The following ARHGAP26 variants were observed in gnomAD, a reference collection of about 807,000 sequenced individuals.
The protein encoded by ARHGAP26 is Rho GTPase activating protein 26.
ARHGAP26 carries 38 observed loss-of-function variants against 104.8 expected under a neutral mutation model. That is an observed-to-expected ratio of 0.36 (90% CI 0.28 to 0.48). The LOEUF is 0.48. Among genes scored for constraint, ARHGAP26 ranks in the 20% least tolerant of loss-of-function variants. The pLI is 0.99. For synonymous variants in ARHGAP26, 341 were observed against 340.0 expected, an observed-to-expected ratio of 1.00 and a Z score of -0.03; for missense variants, 704 against 947.9, an observed-to-expected ratio of 0.74 and a Z score of 3.38.
Position 143,092,833 on chromosome 5 carries a change from A to G in ARHGAP26, c.1539-28155A>G, listed in dbSNP as rs150042087. 2.8e-3 allele frequency among the ~76,000 whole-genome samples: 421 copies of G among 152,318 alleles called. 4 individuals carry two copies. Among genetic ancestry groups the G allele is most frequent in the African/African-American group, 9.9e-3 (411 of 41,576 alleles). On this transcript the variant is annotated intron_variant, in intron 17 of 22. Coordinates refer to ENST00000645722, the MANE Select transcript of ARHGAP26 (RefSeq NM_001135608.3). ...CACTTTAAGGCTTGACTGAGTGCAA[A>G]CAGCTCCCACGTCTGAGCAGACCAA...
At chr5:143,017,422 A>G (rs1477642110) in intron 12 of ARHGAP26, among the ~76,000 whole-genome samples, 2 of 152,144 alleles carry the variant, frequency 1.3e-5, no homozygotes, top group African/African-American at 2.4e-5. Flanking sequence ...CCTCTTCTCT[A>G]TGCTCTGTTT....
intron 10 of ARHGAP26, among the ~76,000 whole-genome samples, chr5:142,922,347 A>G (rs1037670858): frequency 3.3e-5 from 5 of 152,144 alleles, no homozygotes; most frequent in Admixed American, 6.5e-5. Context: ...AGTTTTGTGT[A>G]TGTATTAGTA....
intron 1 of ARHGAP26, among the ~76,000 whole-genome samples, chr5:142,838,467 T>C (rs1018089769): frequency 6.6e-6 from 1 of 152,208 alleles, no homozygotes; most frequent in African/African-American, 2.4e-5. Context: ...CTAATGCAGG[T>C]ATGAGGTCAG....
At chr5:142,795,048 CT>C (rs201790498) in intron 1 of ARHGAP26, among the ~76,000 whole-genome samples, 2 of 142,612 alleles carry the variant, frequency 1.4e-5, no homozygotes, top group Non-Finnish European at 3.0e-5. Flanking sequence ...TCTTCTTCTT[CT>C]TTTTTTTTAA....
At chr5:143,108,488 C>T (rs987820348) in intron 17 of ARHGAP26, among the ~76,000 whole-genome samples, 4 of 152,204 alleles carry the variant, frequency 2.6e-5, no homozygotes, top group East Asian at 3.9e-4. Flanking sequence ...CTAAAAGTAC[C>T]GTGACAGGAC....
intron 17 of ARHGAP26, among the ~76,000 whole-genome samples, chr5:143,092,077 C>A (rs1428435474): frequency 6.6e-6 from 1 of 151,638 alleles, no homozygotes; most frequent in South Asian, 2.1e-4. Flanking sequence ...CATAAATTCC[C>A]TTTTATAACT....
rs948326065 is a variant in ARHGAP26, at chr5:143,222,854, G to A, written c.*408G>A. ...GCTGGGGCTGGGTGAAGAAATTGGC[G>A]CTGAGATCCAGGCTGGATCCATTGC... On this transcript the variant is annotated 3_prime_UTR_variant, in exon 23 of 23. Coordinates refer to ENST00000645722, the MANE Select transcript of ARHGAP26 (RefSeq NM_001135608.3). 9 of 234,786 alleles carry A rather than the reference G, an allele frequency of 3.8e-5. No homozygotes were observed. Among genetic ancestry groups the A allele is most frequent in the African/African-American group, 1.8e-4 (8 of 45,406 alleles). 14.5% of individuals were successfully genotyped at this position (234,786 alleles called of 1,614,324 possible). A position where few individuals can be genotyped will look rare whatever the true frequency, so the allele number is the denominator to read the frequency against.
At chr5:143,126,020 C>T (rs540525567) in intron 18 of ARHGAP26, among the ~76,000 whole-genome samples, 1 of 152,172 alleles carries the variant, frequency 6.6e-6, no homozygotes, top group East Asian at 1.9e-4. Flanking sequence ...CTACCATTAG[C>T]CAAAGATAAG....
chr5:143,178,611 C>G (rs988114616), intron 20 of ARHGAP26, among the ~76,000 whole-genome samples: 1 of 152,212 alleles, frequency 6.6e-6, no homozygotes, highest in African/African-American at 2.4e-5. Context: ...ACTACAATAG[C>G]TGGTGCTCAT....
chr5:142,826,076 C>G (rs1561907605), intron 1 of ARHGAP26, among the ~76,000 whole-genome samples: 1 of 152,178 alleles, frequency 6.6e-6, no homozygotes, highest in Non-Finnish European at 1.5e-5. Context: ...ATTAGAACAT[C>G]TTTCTGTCTC....
chr5:143,136,250 C>G (rs1011551044), intron 19 of ARHGAP26, among the ~76,000 whole-genome samples: 1 of 152,184 alleles, frequency 6.6e-6, no homozygotes, highest in Non-Finnish European at 1.5e-5. Context: ...TTTTATCACA[C>G]AAGGCAGAGG....
At position 142,782,539 on chromosome 5, in the gene ARHGAP26, C is replaced by T. The variant is rs1002497069; in HGVS notation, c.154+11624C>T. Among the ~76,000 whole-genome samples the T allele has an allele frequency of 9.9e-5, 15 of 152,092 alleles. 1 individual carries two copies. Among genetic ancestry groups the T allele is most frequent in the Admixed American group, 6.5e-4 (10 of 15,270 alleles). On this transcript the variant is annotated intron_variant, in intron 1 of 22. Coordinates refer to ENST00000645722, the MANE Select transcript of ARHGAP26 (RefSeq NM_001135608.3). ...TCTAATGTGCAGCAAGGGTGAAGAA[C>T]GCCTGGCATGGAGTGAGAGAAGAGA...
At chr5:142,822,801 C>T (rs1406844308) in intron 1 of ARHGAP26, among the ~76,000 whole-genome samples, 1 of 152,152 alleles carries the variant, frequency 6.6e-6, no homozygotes, top group Non-Finnish European at 1.5e-5. Flanking sequence ...ATGACAGTCT[C>T]TCCAGTGGAG....
intron 11 of ARHGAP26, among the ~76,000 whole-genome samples, chr5:142,959,018 C>G (rs1454096620): frequency 6.6e-6 from 1 of 151,780 alleles, no homozygotes; most frequent in Admixed American, 6.6e-5. Context: ...TAGAGACTAT[C>G]AGAGCTTGAG....
chr5:142,835,832 A>G (rs1020075454), intron 1 of ARHGAP26, among the ~76,000 whole-genome samples: 1 of 152,252 alleles, frequency 6.6e-6, no homozygotes, highest in Non-Finnish European at 1.5e-5. Flanking sequence ...CATTTAATTT[A>G]GCTCTTACAG....
chr5:142,806,536 C>A (rs78473051), intron 1 of ARHGAP26, among the ~76,000 whole-genome samples: 2,451 of 151,578 alleles, frequency 0.016, 70 homozygotes, highest in African/African-American at 0.056. Flanking sequence ...TTGAAATTCC[C>A]AAATCTGGGG....
chr5:142,964,502 C>G (rs1770930824), intron 11 of ARHGAP26, among the ~76,000 whole-genome samples: 1 of 151,992 alleles, frequency 6.6e-6, no homozygotes, highest in African/African-American at 2.4e-5. Flanking sequence ...TACTTTGGCT[C>G]CTAAAGCCAC....
chr5:143,148,794 G>GT (rs1224104607), intron 20 of ARHGAP26, among the ~76,000 whole-genome samples: 2 of 152,078 alleles, frequency 1.3e-5, no homozygotes, highest in East Asian at 1.9e-4. Context: ...TTCTTTACTT[G>GT]TTTTTTTCTT....
At chr5:143,167,948 G>A (rs1341836880) in intron 20 of ARHGAP26, among the ~76,000 whole-genome samples, 1 of 152,148 alleles carries the variant, frequency 6.6e-6, no homozygotes, top group Non-Finnish European at 1.5e-5. Context: ...TGCCCTTCAC[G>A]ATGAGAAATA....
Sources: gnomAD v4.1 joint callset for allele counts (sites outside exome capture counted in the v4.1 genomes callset) on GRCh38, gnomAD v4.1.1 for gene constraint, MANE v1.5 for transcripts, NCBI Gene and HGNC (gene_info 2026-07-23, HGNC 2026-07-21) for gene names.